Variants in SUCLG2 observed in about 807,000 individuals in gnomAD.
SUCLG2 encodes the protein succinate--CoA ligase [GDP-forming] subunit beta, mitochondrial.
Under a neutral mutation model 47.9 loss-of-function variants are expected in SUCLG2, and 42 were observed. The observed-to-expected ratio is 0.88, with a 90% CI of 0.69 to 1.14. The LOEUF (loss-of-function observed/expected upper bound fraction) is 1.14, where lower values mean the gene tolerates loss of function less well. SUCLG2 is among the 50% of genes most tolerant of loss of function. The probability of loss-of-function intolerance (pLI) is 0.00; values close to 1 mark genes in which losing one functional copy is unlikely to be tolerated. For synonymous variants in SUCLG2, 195 were observed against 197.3 expected, an observed-to-expected ratio of 0.99 and a Z score of 0.10; for missense variants, 571 against 525.9, an observed-to-expected ratio of 1.09 and a Z score of -0.84.
intron 1 of SUCLG2, among the ~76,000 whole-genome samples, chr3:67,614,844 C>CTTA (rs1432247216): frequency 1.3e-5 from 2 of 152,090 alleles, no homozygotes; most frequent in African/African-American, 2.4e-5. Flanking sequence ...AAGCCAGAGG[C>CTTA]CTGATGAAAG....
intron 10 of SUCLG2, among the ~76,000 whole-genome samples, chr3:67,390,762 G>T (rs1251608145): frequency 1.3e-5 from 2 of 152,050 alleles, no homozygotes; most frequent in East Asian, 3.9e-4. Context: ...TTTATTGACA[G>T]CTCTATACAG....
intron 9 of SUCLG2, among the ~76,000 whole-genome samples, chr3:67,413,744 C>G (rs1029752638): frequency 1.3e-5 from 2 of 152,202 alleles, no homozygotes; most frequent in Non-Finnish European, 2.9e-5. Context: ...GATACACACA[C>G]AGTACCTAAG....
intron 9 of SUCLG2, among the ~76,000 whole-genome samples, chr3:67,482,508 T>C (rs1704944391): frequency 6.6e-6 from 1 of 152,214 alleles, no homozygotes; most frequent in African/African-American, 2.4e-5. Context: ...CCCTTCTTAT[T>C]TGAATACCAA....
chr3:67,393,912 G>C (rs1399645972), intron 10 of SUCLG2, among the ~76,000 whole-genome samples: 2 of 152,124 alleles, frequency 1.3e-5, no homozygotes, highest in Non-Finnish European at 2.9e-5. Flanking sequence ...AGGCAAACAG[G>C]GTCTGGAGTG....
At position 67,568,670 on chromosome 3, in the gene SUCLG2, G is replaced by A. The variant is rs531334828; in HGVS notation, c.227-39484C>T. On this transcript the variant is annotated intron_variant, in intron 2 of 10. Coordinates refer to ENST00000307227, the MANE Select transcript of SUCLG2 (RefSeq NM_003848.4). ...TGGGAGGCCGAGGCGGGCGGATCAC[G>A]AGGTCAGGAGATCGAGACCATCCTG... 1.6e-4 allele frequency among the ~76,000 whole-genome samples: 24 copies of A among 152,198 alleles called. No homozygotes were observed. In the South Asian group the frequency reaches 2.5e-3, roughly 16 times the overall value.
At position 67,544,477 on chromosome 3, in the gene SUCLG2, T is replaced by C. The variant is rs996363419; in HGVS notation, c.227-15291A>G. ...TCCTCCCAGCTTGTGAAGAAAGTGC[T>C]TGCTTCCCCTTCGCCTTCCACCATG... On this transcript the variant is annotated intron_variant, in intron 2 of 10. Coordinates refer to ENST00000307227, the MANE Select transcript of SUCLG2 (RefSeq NM_003848.4). Among the ~76,000 whole-genome samples, 9 of 152,242 alleles carry C rather than the reference T, an allele frequency of 5.9e-5. No homozygotes were observed. In the East Asian group the frequency reaches 1.7e-3, roughly 29 times the overall value.
intron 9 of SUCLG2, among the ~76,000 whole-genome samples, chr3:67,449,488 CTTCAAA>C (rs1300335843): frequency 6.6e-6 from 1 of 150,938 alleles, no homozygotes; most frequent in African/African-American, 2.4e-5. Context: ...CAGTCCTTTA[CTTCAAA>C]TTCTTCAATA....
At chr3:67,376,972 C>G (rs555308904) in intron 10 of SUCLG2, among the ~76,000 whole-genome samples, 1 of 152,346 alleles carries the variant, frequency 6.6e-6, no homozygotes, top group East Asian at 1.9e-4. Flanking sequence ...AATCGTTTAA[C>G]TTCTTTGAGC....
At chr3:67,632,786 C>T (rs1228535034) in intron 1 of SUCLG2, among the ~76,000 whole-genome samples, 1 of 152,172 alleles carries the variant, frequency 6.6e-6, no homozygotes, top group Admixed American at 6.5e-5. Context: ...CACAAGGATA[C>T]AAACCTAACT....
intron 7 of SUCLG2, among the ~76,000 whole-genome samples, chr3:67,501,501 AC>A (rs1705494654): frequency 6.6e-6 from 1 of 152,142 alleles, no homozygotes; most frequent in Non-Finnish European, 1.5e-5. Context: ...TTGTGTTCTA[AC>A]ATTTGGCCTT....
intron 9 of SUCLG2, among the ~76,000 whole-genome samples, chr3:67,423,178 C>T (rs559078192): frequency 1.7e-4 from 26 of 152,162 alleles, no homozygotes; most frequent in Admixed American, 3.3e-4. Context: ...CCATGCTGTT[C>T]GTGTGACACT....
At chr3:67,459,834 CA>C (rs1704282452) in intron 9 of SUCLG2, among the ~76,000 whole-genome samples, 1 of 152,124 alleles carries the variant, frequency 6.6e-6, no homozygotes. Flanking sequence ...TCTCCTCTAC[CA>C]TGCAATGGTA....
chr3:67,434,031 C>T (rs1443142434), intron 9 of SUCLG2, among the ~76,000 whole-genome samples: 1 of 152,158 alleles, frequency 6.6e-6, no homozygotes, highest in African/African-American at 2.4e-5. Context: ...TAGAGGTTGA[C>T]AAAGTGCATG....
chr3:67,436,564 C>T (rs1031232884), intron 9 of SUCLG2, among the ~76,000 whole-genome samples: 6 of 152,126 alleles, frequency 3.9e-5, no homozygotes, highest in South Asian at 2.1e-4. Flanking sequence ...CAACTAGCAG[C>T]GATGTGCTAG....
chr3:67,510,887 TTC>T (rs1264179373), intron 6 of SUCLG2, among the ~76,000 whole-genome samples: 4 of 148,082 alleles, frequency 2.7e-5, no homozygotes, highest in Non-Finnish European at 5.9e-5. Flanking sequence ...TGTTAAATTG[TTC>T]TTTTTTTTTT....
At chr3:67,444,384 G>T (rs1289678918) in intron 9 of SUCLG2, among the ~76,000 whole-genome samples, 2 of 45,988 alleles carry the variant, frequency 4.3e-5, no homozygotes, top group Non-Finnish European at 9.2e-5. Flanking sequence ...GGAGGGAGGT[G>T]GGGGGGTCAG....
intron 4 of SUCLG2, among the ~76,000 whole-genome samples, chr3:67,521,250 C>G (rs1019715812): frequency 6.6e-6 from 1 of 152,166 alleles, no homozygotes; most frequent in Admixed American, 6.5e-5. Context: ...CTCAAATAAA[C>G]CCTCGGGCCC....
intron 10 of SUCLG2, among the ~76,000 whole-genome samples, chr3:67,393,636 T>TA (rs1702448059): frequency 6.6e-6 from 1 of 152,140 alleles, no homozygotes; most frequent in African/African-American, 2.4e-5. Flanking sequence ...CTGCAGACTT[T>TA]AATGTCCCTG....
chr3:67,580,156 A>C (rs1707844211), intron 2 of SUCLG2, among the ~76,000 whole-genome samples: 1 of 152,204 alleles, frequency 6.6e-6, no homozygotes. Context: ...AACTTCATGG[A>C]ATAAAGAATA....
Sources: gnomAD v4.1 joint callset for allele counts (sites outside exome capture counted in the v4.1 genomes callset) on GRCh38, gnomAD v4.1.1 for gene constraint, MANE v1.5 for transcripts, NCBI Gene and HGNC (gene_info 2026-07-23, HGNC 2026-07-21) for gene names.